Variants in GSE1 observed in about 807,000 individuals in gnomAD.
GSE1 encodes Gse1 coiled-coil protein.
A neutral mutation model predicts 112.6 loss-of-function variants in GSE1; 32 were observed. The observed-to-expected ratio is 0.28, with a 90% CI of 0.21 to 0.38. The LOEUF is 0.38. Among genes scored for constraint, GSE1 ranks in the 10% least tolerant of loss-of-function variants. GSE1 has a pLI of 1.00. For missense variants in GSE1, 2,348 were observed against 1,699.2 expected (o/e 1.38, Z -6.71); for synonymous variants, 1,115 against 735.6 (o/e 1.52, Z -8.35).
At chr16:85,629,393 T>C (rs1230301381) in intron 1 of GSE1, among the ~76,000 whole-genome samples, 1 of 152,182 alleles carries the variant, frequency 6.6e-6, no homozygotes, top group Non-Finnish European at 1.5e-5. Context: ...GCGGGTCACC[T>C]GGAGGTGAAA....
At chr16:85,502,055 G>T (rs900415820) in intron 2 of GSE1, among the ~76,000 whole-genome samples, 2 of 152,202 alleles carry the variant, frequency 1.3e-5, no homozygotes, top group African/African-American at 4.8e-5. Flanking sequence ...GGGAGGAGGG[G>T]AGTGGGTGTC....
intron 14 of GSE1, 147 bp from the exon 15 acceptor site, chr16:85,670,848 A>G: frequency 1.7e-6 from 1 of 603,764 alleles, no homozygotes; most frequent in East Asian, 2.9e-5. Flanking sequence ...AAGGGCTGGG[A>G]GCATTGTGGT....
At chr16:85,346,938 G>C (rs2046755212) in intron 1 of GSE1, among the ~76,000 whole-genome samples, 1 of 152,242 alleles carries the variant, frequency 6.6e-6, no homozygotes. Context: ...GTGGATGGTG[G>C]ACAGGTGGGT....
chr16:85,584,621 G>C (rs1276410763), intron 1 of GSE1, among the ~76,000 whole-genome samples: 1 of 152,132 alleles, frequency 6.6e-6, no homozygotes, highest in South Asian at 2.1e-4. Context: ...AGATGGCAGC[G>C]TTATTTGGCG....
In GSE1 at chr16:85,665,146, C is replaced by T. The variant is rs780379206; in HGVS notation, c.2758+18C>T. On this transcript the variant is annotated intron_variant, in intron 12 of 15. Coordinates refer to ENST00000253458, the MANE Select transcript of GSE1 (RefSeq NM_014615.5). ...CCTGAGTGGTAAGGGAAGGATAGCC[C>T]CACCTGCCACCACCCAGGACCATCC... 21 of 1,405,846 alleles carry T rather than the reference C, an allele frequency of 1.5e-5. No homozygotes were observed. Among genetic ancestry groups the T allele is most frequent in the Non-Finnish European group, 2.0e-5 (20 of 991,548 alleles). The allele number at this position is 1,405,846 out of a possible 1,614,324, so 87.1% of individuals were successfully genotyped here.
At chr16:85,245,230 G>C (rs1905509986) in intron 1 of GSE1, among the ~76,000 whole-genome samples, 1 of 152,200 alleles carries the variant, frequency 6.6e-6, no homozygotes, top group South Asian at 2.1e-4. Flanking sequence ...TAGCCAGTGA[G>C]AAATTTCTGA....
intron 1 of GSE1, among the ~76,000 whole-genome samples, chr16:85,266,911 G>A (rs936925107): frequency 6.6e-6 from 1 of 152,104 alleles, no homozygotes; most frequent in African/African-American, 2.4e-5. Context: ...TCTCCCCCTT[G>A]GTCCCCCATT....
intron 1 of GSE1, among the ~76,000 whole-genome samples, chr16:85,241,995 C>G (rs1001771905): frequency 5.9e-5 from 9 of 152,110 alleles, no homozygotes; most frequent in Non-Finnish European, 1.2e-4. Context: ...TGGGGTCAGC[C>G]AGGTTCCCTT....
chr16:85,575,503 T>C (rs1331981221), intron 1 of GSE1, among the ~76,000 whole-genome samples: 1 of 152,186 alleles, frequency 6.6e-6, no homozygotes, highest in Non-Finnish European at 1.5e-5. Context: ...TCCCCTCTTT[T>C]CTGATCTCCT....
chr16:85,396,117 T>G (rs923754492), intron 2 of GSE1, among the ~76,000 whole-genome samples: 1 of 152,218 alleles, frequency 6.6e-6, no homozygotes, highest in Non-Finnish European at 1.5e-5. Context: ...TCTGTCCACT[T>G]CATTTGGAAA....
intron 1 of GSE1, among the ~76,000 whole-genome samples, chr16:85,256,072 A>G (rs1384268926): frequency 6.6e-6 from 1 of 152,128 alleles, no homozygotes; most frequent in African/African-American, 2.4e-5. Flanking sequence ...AAGATGGGAG[A>G]ATAATACTAA....
chr16:85,590,886 C>T (rs936903481), intron 1 of GSE1, among the ~76,000 whole-genome samples: 2 of 152,140 alleles, frequency 1.3e-5, no homozygotes, highest in South Asian at 2.1e-4. Context: ...CAGGGCTAGC[C>T]GAGAATCCCT....
chr16:85,620,450 G>A (rs1458010873), intron 1 of GSE1, among the ~76,000 whole-genome samples: 1 of 152,210 alleles, frequency 6.6e-6, no homozygotes, highest in Admixed American at 6.5e-5. Context: ...AATATACGAG[G>A]ATCCACTAGA....
In GSE1 at chr16:85,419,964, G is replaced by T. The variant is rs897838786; in HGVS notation, c.2464+62321G>T. ...TCTGAGCTAGGAAGGCCCCTCTGAG[G>T]CCCAGCTGGCAGTTATCATGGGTCT... On this transcript the variant is annotated intron_variant, in intron 2 of 2. Transcript: ENST00000637419. The surrounding 1 kb of genome is among the most constrained non-coding windows in gnomAD (Gnocchi z 6.5). Among the ~76,000 whole-genome samples, 1 of 152,204 alleles carries T rather than the reference G, an allele frequency of 6.6e-6. No homozygotes were observed. The highest frequency in any genetic ancestry group is 1.5e-5 in the Non-Finnish European group (1 of 68,038).
intron 2 of GSE1, among the ~76,000 whole-genome samples, chr16:85,638,351 C>T (rs568344225): frequency 1.1e-4 from 17 of 152,328 alleles, no homozygotes; most frequent in Admixed American, 9.1e-4. Flanking sequence ...CGCCCACCAG[C>T]GCGGGCCAGA....
At chr16:85,409,067 A>G (rs71389120) in intron 2 of GSE1, among the ~76,000 whole-genome samples, 220 of 692 alleles carry the variant, frequency 0.32, 107 homozygotes, top group African/African-American at 0.85. Flanking sequence ...CCTCACCGTT[A>G]CACTCAGGGC....
At chr16:85,418,251 T>C (rs1304455317) in intron 2 of GSE1, among the ~76,000 whole-genome samples, 1 of 152,224 alleles carries the variant, frequency 6.6e-6, no homozygotes, top group Non-Finnish European at 1.5e-5. Flanking sequence ...GAGCAGTCTT[T>C]TTAGCTGCCA....
chr16:85,660,297 C>T (rs1008472486), intron 8 of GSE1, among the ~76,000 whole-genome samples: 6 of 152,204 alleles, frequency 3.9e-5, no homozygotes, highest in African/African-American at 1.4e-4. Context: ...GCAGCTTAGG[C>T]TGGGAGCCTC....
chr16:85,350,805 C>T (rs1228502880), intron 1 of GSE1, among the ~76,000 whole-genome samples: 1 of 152,196 alleles, frequency 6.6e-6, no homozygotes, highest in African/African-American at 2.4e-5. Context: ...GAGACGGACT[C>T]TTGCTCTGTC....
Sources: allele counts gnomAD v4.1 joint callset (sites outside exome capture counted in the v4.1 genomes callset), GRCh38; gene constraint gnomAD v4.1.1; non-coding constraint Gnocchi (gnomAD v3.1); transcripts MANE v1.5; gene names NCBI Gene and HGNC (gene_info 2026-07-23, HGNC 2026-07-21).